STX8: variants seen among roughly 807,000 people sequenced by gnomAD.
STX8 encodes syntaxin-8.
STX8 carries 23 observed loss-of-function variants against 37.5 expected under a neutral mutation model. That is an observed-to-expected ratio of 0.61 (90% CI 0.44 to 0.87). The LOEUF is 0.87. Among genes scored for constraint, STX8 ranks in the 40% least tolerant of loss-of-function variants. STX8 has a pLI of 0.00. For missense variants in STX8, 313 were observed against 284.7 expected, an observed-to-expected ratio of 1.10 and a Z score of -0.71; for synonymous variants, 115 against 99.1, an observed-to-expected ratio of 1.16 and a Z score of -0.95.
intron 4 of STX8, among the ~76,000 whole-genome samples, chr17:9,517,240 T>C (rs1597719973): frequency 6.6e-6 from 1 of 152,138 alleles, no homozygotes; most frequent in East Asian, 1.9e-4. Flanking sequence ...GTTTTCTGTC[T>C]CCCACGCTAG....
At chr17:9,371,490 A>G (rs2142273339) in intron 7 of STX8, among the ~76,000 whole-genome samples, 1 of 152,314 alleles carries the variant, frequency 6.6e-6, no homozygotes, top group African/African-American at 2.4e-5. Context: ...ACTTGAGAAG[A>G]GCAGGTGGTT....
chr17:9,388,183 T>C (rs1247611816), intron 6 of STX8, among the ~76,000 whole-genome samples: 1 of 151,512 alleles, frequency 6.6e-6, no homozygotes. Flanking sequence ...GTGATTCTCA[T>C]GCCTCAGCCT....
chr17:9,459,075 G>A (rs368480015), intron 6 of STX8, among the ~76,000 whole-genome samples: 31 of 152,028 alleles, frequency 2.0e-4, no homozygotes, highest in Middle Eastern at 3.4e-3. Flanking sequence ...CTAGTGATCC[G>A]CCTGCCTTGG....
chr17:9,257,040 G>A (rs960554944), intron 7 of STX8, among the ~76,000 whole-genome samples: 7 of 152,286 alleles, frequency 4.6e-5, no homozygotes, highest in Admixed American at 2.6e-4. Context: ...GTTTCTCTGC[G>A]CTTCACTCAG....
At position 9,452,822 on chromosome 17, in the gene STX8, CAG is replaced by C. The variant is rs555628814; in HGVS notation, c.541+39005_541+39006del. ...GCCCTTGTTTTTTTTTCTTTTTAGA[CAG>C]AGTCTCGCTCTGTTGCCAGGCTGCA... On this transcript the variant is annotated intron_variant, in intron 6 of 7. Coordinates refer to ENST00000306357, the MANE Select transcript of STX8 (RefSeq NM_004853.3). 1.7e-3 allele frequency among the ~76,000 whole-genome samples: 247 copies of C among 149,672 alleles called. 2 individuals are homozygous for C. The highest frequency in any genetic ancestry group is 5.1e-3 in the African/African-American group (207 of 40,520).
chr17:9,481,693 G>A (rs1906353489), intron 6 of STX8, among the ~76,000 whole-genome samples: 1 of 152,148 alleles, frequency 6.6e-6, no homozygotes, highest in African/African-American at 2.4e-5. Context: ...ACCAGTCCAT[G>A]GCCTGTTAGG....
chr17:9,560,151 G>T (rs1907167669), intron 2 of STX8, among the ~76,000 whole-genome samples: 2 of 151,196 alleles, frequency 1.3e-5, no homozygotes. Context: ...TGTAATCACA[G>T]CACTTTGGGA....
intron 7 of STX8, among the ~76,000 whole-genome samples, chr17:9,328,628 G>A (rs1310603061): frequency 6.6e-6 from 1 of 152,130 alleles, no homozygotes. Flanking sequence ...TACTGTTCAG[G>A]GTCAATGGCC....
chr17:9,518,381 A>G (rs922756379), intron 4 of STX8, among the ~76,000 whole-genome samples: 38 of 151,916 alleles, frequency 2.5e-4, no homozygotes, highest in African/African-American at 9.2e-4. Flanking sequence ...CTTTCCATGA[A>G]TCCTCTCCTC....
intron 7 of STX8, among the ~76,000 whole-genome samples, chr17:9,343,037 A>AG (rs1567791532): frequency 2.0e-4 from 31 of 151,312 alleles, no homozygotes; most frequent in African/African-American, 6.8e-4. Flanking sequence ...AAAAAAAAAA[A>AG]AAAAAAGCTG....
At chr17:9,492,713 C>T (rs1906907375) in intron 5 of STX8, among the ~76,000 whole-genome samples, 1 of 152,134 alleles carries the variant, frequency 6.6e-6, no homozygotes, top group East Asian at 1.9e-4. Context: ...CTTTGGGAAG[C>T]CAAGGCAGGA....
intron 1 of STX8, 51 bp downstream of exon 1, chr17:9,575,741 C>T: frequency 1.9e-6 from 3 of 1,543,490 alleles, no homozygotes; most frequent in Non-Finnish European, 2.6e-6. Context: ...TCCGGAAGCC[C>T]GGCCTCCCCG....
intron 2 of STX8, among the ~76,000 whole-genome samples, chr17:9,562,356 A>G (rs2151916994): frequency 6.6e-6 from 1 of 151,848 alleles, no homozygotes; most frequent in East Asian, 1.9e-4. Flanking sequence ...AAGTGAGCCG[A>G]GATCGCGCCA....
At chr17:9,343,961 G>A (rs1350211844) in intron 7 of STX8, among the ~76,000 whole-genome samples, 2 of 152,024 alleles carry the variant, frequency 1.3e-5, no homozygotes, top group Non-Finnish European at 2.9e-5. Context: ...TGTTCTTTTT[G>A]TAAAAAAGAG....
At chr17:9,519,696 T>TC (rs1479438111) in intron 4 of STX8, among the ~76,000 whole-genome samples, 1 of 151,104 alleles carries the variant, frequency 6.6e-6, no homozygotes, top group Non-Finnish European at 1.5e-5. Flanking sequence ...CTCCTCAACA[T>TC]CCCCGCTTCC....
intron 6 of STX8, among the ~76,000 whole-genome samples, chr17:9,436,155 G>A (rs938271376): frequency 4.2e-4 from 64 of 151,634 alleles, no homozygotes; most frequent in South Asian, 6.3e-4. Flanking sequence ...TGACTAACAC[G>A]GTGAAACCCC....
intron 4 of STX8, among the ~76,000 whole-genome samples, chr17:9,528,544 G>A (rs1210187451): frequency 3.5e-4 from 54 of 152,120 alleles, no homozygotes; most frequent in Admixed American, 3.4e-3. Context: ...TCCTGACCTC[G>A]TGATCCGCCT....
chr17:9,420,435 T>C (rs1020440785), intron 6 of STX8, among the ~76,000 whole-genome samples: 17 of 152,160 alleles, frequency 1.1e-4, no homozygotes, highest in African/African-American at 3.6e-4. Context: ...AGTTCCATTC[T>C]AAATGTCCCC....
intron 6 of STX8, among the ~76,000 whole-genome samples, chr17:9,388,529 C>G (rs185979418): frequency 6.6e-6 from 1 of 151,232 alleles, no homozygotes; most frequent in East Asian, 2.0e-4. Flanking sequence ...TTTTTTCGGG[C>G]GTGGTGGCTC....
Sources: allele counts gnomAD v4.1 joint callset (sites outside exome capture counted in the v4.1 genomes callset), GRCh38; gene constraint gnomAD v4.1.1; transcripts MANE v1.5; gene names NCBI Gene and HGNC (gene_info 2026-07-23, HGNC 2026-07-21).